The following WDR19 variants were observed in gnomAD, a reference collection of about 807,000 sequenced individuals.
WDR19 encodes the protein WD repeat-containing protein 19.
Under a neutral mutation model 180.0 loss-of-function variants are expected in WDR19, and 121 were observed. That is an observed-to-expected ratio of 0.67 (90% confidence interval 0.58 to 0.78). The LOEUF (loss-of-function observed/expected upper bound fraction) is 0.78. Among genes scored for constraint, WDR19 ranks in the 30% least tolerant of loss-of-function variants. WDR19 has a pLI of 0.00. For missense variants in WDR19, 1,450 were observed against 1,640.7 expected, an observed-to-expected ratio of 0.88 and a Z score of 2.01; for synonymous variants, 497 against 540.7, an observed-to-expected ratio of 0.92 and a Z score of 1.12.
In WDR19 at chr4:39,199,468, T is replaced by C; in HGVS notation, c.407-10T>C. On this transcript the variant is annotated splice_polypyrimidine_tract_variant and intron_variant, in intron 5 of 36. Transcript: ENST00000399820. ...TCCACATGTCTGTATAAAAATAATC[T>C]CTTTTTCAGGAAAACATACTAAGAG... The C allele has an allele frequency of 6.2e-7, 1 of 1,607,668 alleles. No individual in the cohort carries two copies. The highest frequency in any genetic ancestry group is 8.5e-7 in the Non-Finnish European group (1 of 1,175,982).
chr4:39,218,045 T>C lies in WDR19; in HGVS notation c.1419T>C (p.Asp473=). The C allele has an allele frequency of 3.1e-6, 5 of 1,614,008 alleles. No individual in the cohort carries two copies. The highest frequency in any genetic ancestry group is 4.2e-6 in the Non-Finnish European group (5 of 1,179,874). The change falls in exon 14 of 37, where the codon GAT becomes GAC. Residue 473 remains aspartate, a synonymous_variant. Transcript: ENST00000399820. The stretch of plus-strand genomic sequence containing the variant: ...AGACTCGGCTTTTCCCAGCAGTGGA[T>C]GATAAGTGCCGTATCTTATGCCATG... ...ERETRLFPAV[D]DKCRILCHAL... is the part of the protein sequence containing the mutation.
intron 20 of WDR19, among the ~76,000 whole-genome samples, chr4:39,238,843 A>T (rs1418598753): frequency 6.6e-6 from 1 of 152,222 alleles, no homozygotes; most frequent in Non-Finnish European, 1.5e-5. Flanking sequence ...TTCTTAGAGG[A>T]AGATAGATCC....
At chr4:39,234,129 C>T (rs1034215893) in intron 19 of WDR19, among the ~76,000 whole-genome samples, 5 of 151,946 alleles carry the variant, frequency 3.3e-5, no homozygotes, top group Non-Finnish European at 7.4e-5. Context: ...TAAGCTAATC[C>T]CCTAGAACAG....
intron 28 of WDR19, among the ~76,000 whole-genome samples, chr4:39,264,920 C>T (rs941389402): frequency 4.3e-4 from 18 of 42,268 alleles, no homozygotes; most frequent in African/African-American, 1.1e-3. Context: ...ATGGAGATGA[C>T]GTTTTTTTTT....
intron 23 of WDR19, among the ~76,000 whole-genome samples, chr4:39,244,925 CTTT>C (rs11356985): frequency 1.5e-5 from 2 of 133,892 alleles, no homozygotes; most frequent in Non-Finnish European, 3.2e-5. Context: ...GATTTTCTTT[CTTT>C]TTTTTTTTTC....
At position 39,240,264 on chromosome 4, in the gene WDR19, A is replaced by T; in HGVS notation, c.2364-13A>T. On this transcript the variant is annotated splice_polypyrimidine_tract_variant and intron_variant, in intron 20 of 36. Transcript: ENST00000399820. ...ATTAAAATTATTAAAATTCACTCTT[A>T]TTTTTTTTTCAGGGGTGATTATGTA... is the stretch of plus-strand genomic sequence containing the variant. The T allele has an allele frequency of 3.2e-6, 4 of 1,246,960 alleles. No individual in the cohort carries two copies. Among genetic ancestry groups the T allele is most frequent in the East Asian group, 3.5e-5 (1 of 28,822 alleles). The allele number at this position is 1,246,960 out of a possible 1,614,324, so 77.2% of individuals were successfully genotyped here.
At chr4:39,186,129 A>G (rs761136987) in intron 2 of WDR19, among the ~76,000 whole-genome samples, 1 of 152,234 alleles carries the variant, frequency 6.6e-6, no homozygotes, top group African/African-American at 2.4e-5. Flanking sequence ...TTCTGAAACT[A>G]TCAGGAGAAA....
At chr4:39,257,081 C>T (rs1304083013) in intron 27 of WDR19, among the ~76,000 whole-genome samples, 1 of 152,172 alleles carries the variant, frequency 6.6e-6, no homozygotes, top group South Asian at 2.1e-4. Context: ...ATCTTCTTAG[C>T]AAGACTGTAC....
chr4:39,255,587 A>G (rs1271661960), intron 26 of WDR19, among the ~76,000 whole-genome samples: 1 of 152,174 alleles, frequency 6.6e-6, no homozygotes, highest in East Asian at 1.9e-4. Context: ...AGAGGTATGC[A>G]TTCCATTTGT....
chr4:39,266,113 C>A lies in WDR19; in HGVS notation c.3234C>A (p.Leu1078=). The part of the protein sequence containing the change: ...ELLTNQLIDH[L]LGENDGMPKD... ...TGACCAATCAGCTGATAGACCATCT[C>A]CTGGGGGAGAACGATGGCATGCCTA... The change falls in exon 29 of 37, where the codon CTC becomes CTA. Residue 1078 remains leucine (L), a synonymous_variant. Coordinates refer to ENST00000399820, the MANE Select transcript of WDR19 (RefSeq NM_025132.4). 6.4e-7 allele frequency: 1 copy of A among 1,563,242 alleles called. No homozygotes were observed. Among genetic ancestry groups the A allele is most frequent in the South Asian group, 1.2e-5 (1 of 84,420 alleles).
At chr4:39,203,899 T>C (rs574720956) in intron 7 of WDR19, among the ~76,000 whole-genome samples, 177 bp downstream of exon 7, 2 of 152,348 alleles carry the variant, frequency 1.3e-5, no homozygotes, top group African/African-American at 4.8e-5. Context: ...TGCTACTGAC[T>C]ACCTGGCATT....
chr4:39,281,230 T>TAGAGAGAGAGAGAG (rs796659495), intron 36 of WDR19, among the ~76,000 whole-genome samples: 51 of 97,122 alleles, frequency 5.3e-4, no homozygotes, highest in African/African-American at 8.4e-4. Flanking sequence ...TATATATATA[T>TAGAGAGAGAGAGAG]ATATATAGAG....
At chr4:39,282,638 T>G (rs1736669560) in intron 36 of WDR19, among the ~76,000 whole-genome samples, 1 of 152,140 alleles carries the variant, frequency 6.6e-6, no homozygotes, top group Admixed American at 6.5e-5. Flanking sequence ...CCTCAGGTAA[T>G]CCACCCACCT....
At chr4:39,262,504 G>A (rs1734390000) in intron 28 of WDR19, among the ~76,000 whole-genome samples, 1 of 152,102 alleles carries the variant, frequency 6.6e-6, no homozygotes, top group African/African-American at 2.4e-5. Flanking sequence ...GCCTCCCAAA[G>A]TGCTGTGATT....
intron 36 of WDR19, among the ~76,000 whole-genome samples, chr4:39,283,886 T>C (rs892322955): frequency 6.6e-6 from 1 of 152,194 alleles, no homozygotes; most frequent in Non-Finnish European, 1.5e-5. Flanking sequence ...TTTGAGGATA[T>C]TTTCGCTTGA....
intron 20 of WDR19, among the ~76,000 whole-genome samples, chr4:39,239,835 A>G (rs1481154147): frequency 6.6e-6 from 1 of 152,192 alleles, no homozygotes; most frequent in Admixed American, 6.5e-5. Context: ...TTGTGAGCTT[A>G]AGCAACTCAG....
At chr4:39,200,498 A>T (rs1347664945) in intron 6 of WDR19, among the ~76,000 whole-genome samples, 1 of 152,192 alleles carries the variant, frequency 6.6e-6, no homozygotes, top group African/African-American at 2.4e-5. Flanking sequence ...ATGGGTGTTG[A>T]CAGGGTTCAG....
chr4:39,243,103 A>T (rs1047249435), intron 21 of WDR19, among the ~76,000 whole-genome samples: 3 of 151,952 alleles, frequency 2.0e-5, no homozygotes, highest in South Asian at 2.1e-4. Context: ...AGTAAAAATT[A>T]AAAAATTAAA....
intron 28 of WDR19, among the ~76,000 whole-genome samples, chr4:39,258,387 G>A (rs913815808): frequency 1.3e-5 from 2 of 151,934 alleles, no homozygotes; most frequent in African/African-American, 2.4e-5. Flanking sequence ...TCCTGACCTC[G>A]TGATCTGCCC....
Sources: allele counts gnomAD v4.1 joint callset (sites outside exome capture counted in the v4.1 genomes callset), GRCh38; gene constraint gnomAD v4.1.1; transcripts MANE v1.5; gene names NCBI Gene and HGNC (gene_info 2026-07-23, HGNC 2026-07-21).